The following PTPRN2 variants were observed in gnomAD, a reference collection of about 807,000 sequenced individuals.
The protein encoded by PTPRN2 is protein tyrosine phosphatase receptor type N2.
PTPRN2 carries 74 observed loss-of-function variants against 118.8 expected under a neutral mutation model. The ratio of observed to expected loss-of-function variants is 0.62; its 90% confidence interval spans 0.52 to 0.76. The LOEUF (loss-of-function observed/expected upper bound fraction) is 0.76. PTPRN2 is among the 30% of genes least tolerant of loss of function. The pLI is 0.00. For missense variants in PTPRN2, 1,481 were observed against 1,394.4 expected, an observed-to-expected ratio of 1.06 and a Z score of -0.99; for synonymous variants, 641 against 608.0, an observed-to-expected ratio of 1.05 and a Z score of -0.80.
chr7:158,363,333 C>A (rs1479726718), intron 2 of PTPRN2, among the ~76,000 whole-genome samples: 1 of 152,138 alleles, frequency 6.6e-6, no homozygotes, highest in African/African-American at 2.4e-5. Context: ...TGGGAGGATG[C>A]TCGGTTGCTT....
At chr7:158,306,560 C>G (rs1801300402) in intron 3 of PTPRN2, among the ~76,000 whole-genome samples, 1 of 152,170 alleles carries the variant, frequency 6.6e-6, no homozygotes, top group Non-Finnish European at 1.5e-5. Context: ...TGAGCAGAGA[C>G]TTGGTGGCCA....
intron 1 of PTPRN2, chr7:158,539,576 A>G (rs1825851385): frequency 5.6e-6 from 1 of 179,516 alleles, no homozygotes; most frequent in South Asian, 1.1e-4. Context: ...CCTCCAGGAC[A>G]GATGAGAGCA....
intron 11 of PTPRN2, among the ~76,000 whole-genome samples, chr7:158,073,159 A>G (rs1314895909): frequency 6.6e-6 from 1 of 152,160 alleles, no homozygotes; most frequent in Non-Finnish European, 1.5e-5. Flanking sequence ...ACTCAGCACC[A>G]TCTTTGCACT....
chr7:157,842,805 C>A (rs1253137269), intron 12 of PTPRN2, among the ~76,000 whole-genome samples: 2 of 152,180 alleles, frequency 1.3e-5, no homozygotes, highest in Non-Finnish European at 2.9e-5. Flanking sequence ...AGGAACTTCA[C>A]ATAGGAAACC....
intron 11 of PTPRN2, among the ~76,000 whole-genome samples, chr7:157,950,272 C>G (rs1244104789): frequency 6.6e-6 from 1 of 152,172 alleles, no homozygotes; most frequent in Admixed American, 6.5e-5. Context: ...TAGCAAACGC[C>G]TGGTGGGAAA....
rs4716790 is a variant in PTPRN2, at chr7:157,847,702, G to A, written c.1788+50971C>T. ...GGATGTTTACAGATGTTTACAGAGC[G>A]CTCTCTCACTCCATCATGTGTGCCC... On this transcript the variant is annotated intron_variant, in intron 12 of 22. Transcript: ENST00000389418. Among the ~76,000 whole-genome samples the A allele has an allele frequency of 4.8e-5, 6 of 125,048 alleles. 1 individual carries two copies. The highest frequency in any genetic ancestry group is 8.4e-5 in the Non-Finnish European group (5 of 59,566). The allele number at this position is 125,048 out of a possible 152,430, so 82.0% of individuals were successfully genotyped here.
intron 2 of PTPRN2, among the ~76,000 whole-genome samples, chr7:158,435,226 A>G (rs1816495929): frequency 6.6e-6 from 1 of 152,258 alleles, no homozygotes; most frequent in African/African-American, 2.4e-5. Context: ...TCCAAAATGT[A>G]TAAGGAACTG....
At chr7:158,333,982 GAGCCGACACCCGCAGACA>G (rs1365556707) in intron 2 of PTPRN2, among the ~76,000 whole-genome samples, 2 of 10,950 alleles carry the variant, frequency 1.8e-4, no homozygotes, top group African/African-American at 2.9e-4. Context: ...CTCACCATAA[GAGCCGACACCCGCAGACA>G]TCACTCACAC....
rs182220603 is a variant in PTPRN2 at position 158,509,056 on chromosome 7, G to A, written c.113-19271C>T. ...TGGAAGCTGATGCGGGTGGAGGTGG[G>A]TGGTTTCTAAAGATAAGAAGGGGAG... On this transcript the variant is annotated intron_variant, in intron 1 of 22. Transcript: ENST00000389418. This position sits in a 1 kb window ranked among gnomAD's most constrained non-coding sequence, Gnocchi z 4.4. Among the ~76,000 whole-genome samples, 7 of 152,204 alleles carry A rather than the reference G, an allele frequency of 4.6e-5. No homozygotes were observed. The highest frequency in any genetic ancestry group is 4.2e-4 in the South Asian group (2 of 4,818).
intron 3 of PTPRN2, among the ~76,000 whole-genome samples, chr7:158,232,201 A>G (rs370063839): frequency 3.8e-4 from 58 of 152,270 alleles, no homozygotes; most frequent in Middle Eastern, 3.4e-3. Context: ...CAAAATTGAC[A>G]AACCTTTAGC....
intron 11 of PTPRN2, among the ~76,000 whole-genome samples, chr7:158,055,287 C>T (rs190156896): frequency 6.6e-6 from 1 of 152,288 alleles, no homozygotes; most frequent in Non-Finnish European, 1.5e-5. Context: ...CCAGACAGGG[C>T]CACCAGAGGG....
At chr7:157,645,152 C>T (rs746528382) in intron 14 of PTPRN2, among the ~76,000 whole-genome samples, 9 of 152,216 alleles carry the variant, frequency 5.9e-5, no homozygotes, top group Non-Finnish European at 1.2e-4. Context: ...GTTGCGTGGA[C>T]GTGCCACACT....
chr7:157,580,510 C>T (rs1800295976), intron 17 of PTPRN2, among the ~76,000 whole-genome samples: 1 of 148,022 alleles, frequency 6.8e-6, no homozygotes, highest in Non-Finnish European at 1.5e-5. Context: ...CACCGTGGCA[C>T]CTGCACACCC....
intron 16 of PTPRN2, among the ~76,000 whole-genome samples, chr7:157,601,774 C>T (rs1038081916): frequency 1.3e-5 from 2 of 152,234 alleles, no homozygotes; most frequent in Admixed American, 1.3e-4. Context: ...CCAGCTGCAA[C>T]GCTGAACTCT....
intron 13 of PTPRN2, among the ~76,000 whole-genome samples, chr7:157,678,559 G>A (rs1796776517): frequency 6.6e-6 from 1 of 152,196 alleles, no homozygotes; most frequent in Non-Finnish European, 1.5e-5. Flanking sequence ...AGTCAACTGA[G>A]CACCCTCAGA....
chr7:157,816,283 T>G (rs1049881276), intron 12 of PTPRN2, among the ~76,000 whole-genome samples: 2 of 152,208 alleles, frequency 1.3e-5, no homozygotes, highest in African/African-American at 4.8e-5. Context: ...TTGCAGACTC[T>G]GCTGCTCGGT....
At chr7:158,443,383 C>T (rs1324657779) in intron 2 of PTPRN2, among the ~76,000 whole-genome samples, 2 of 152,236 alleles carry the variant, frequency 1.3e-5, no homozygotes, top group Admixed American at 1.3e-4. Flanking sequence ...ACAAACTTGA[C>T]TTCTGGGTAA....
intron 3 of PTPRN2, among the ~76,000 whole-genome samples, chr7:158,216,430 T>G (rs990584253): frequency 2.7e-5 from 4 of 150,400 alleles, no homozygotes; most frequent in Non-Finnish European, 5.9e-5. Flanking sequence ...GCTGAGTGGG[T>G]TTTTTTTAAA....
chr7:157,732,200 C>T (rs4716775), intron 12 of PTPRN2, among the ~76,000 whole-genome samples: 5,811 of 15,174 alleles, frequency 0.38, 486 homozygotes, highest in Middle Eastern at 0.5. Flanking sequence ...TTCCGCCCCA[C>T]GCGCCCAGCA....
Sources: allele counts gnomAD v4.1 joint callset (sites outside exome capture counted in the v4.1 genomes callset), GRCh38; gene constraint gnomAD v4.1.1; non-coding constraint Gnocchi (gnomAD v3.1); transcripts MANE v1.5; gene names NCBI Gene and HGNC (gene_info 2026-07-23, HGNC 2026-07-21).